Variants in KCNAB1 observed in about 807,000 individuals in gnomAD.
The protein encoded by KCNAB1 is potassium voltage-gated channel subfamily A regulatory beta subunit 1, also known as voltage-gated potassium channel subunit beta-1.
A neutral mutation model predicts 64.6 loss-of-function variants in KCNAB1; 35 were observed. That is an observed-to-expected ratio of 0.54 (90% CI 0.41 to 0.72). The LOEUF is 0.72. Among genes scored for constraint, KCNAB1 ranks in the 30% least tolerant of loss-of-function variants. The pLI is 0.00. For missense variants in KCNAB1, 401 were observed against 512.9 expected, an observed-to-expected ratio of 0.78 and a Z score of 2.11; for synonymous variants, 177 against 183.8, an observed-to-expected ratio of 0.96 and a Z score of 0.30.
chr3:156,330,112 T>C (rs767255840), intron 1 of KCNAB1, among the ~76,000 whole-genome samples: 14 of 152,194 alleles, frequency 9.2e-5, no homozygotes, highest in Non-Finnish European at 1.8e-4. Context: ...AACTTAAGTG[T>C]GTAAAATATA....
chr3:156,315,908 G>GAT (rs1722242724), intron 1 of KCNAB1, among the ~76,000 whole-genome samples: 1 of 152,126 alleles, frequency 6.6e-6, no homozygotes, highest in Admixed American at 6.5e-5. Flanking sequence ...AATAATAGTA[G>GAT]ATAACCTGAC....
At chr3:156,487,060 T>C (rs1239470261) in intron 8 of KCNAB1, among the ~76,000 whole-genome samples, 1 of 152,154 alleles carries the variant, frequency 6.6e-6, no homozygotes, top group Non-Finnish European at 1.5e-5. Context: ...ATACCTAAGT[T>C]TAAATCTGAC....
chr3:156,184,483 C>G (rs1713067701), intron 1 of KCNAB1, among the ~76,000 whole-genome samples: 1 of 152,176 alleles, frequency 6.6e-6, no homozygotes. Context: ...GAAGGAGACC[C>G]TGCAAGGTGT....
At chr3:156,526,316 G>A (rs1279297153) in intron 12 of KCNAB1, among the ~76,000 whole-genome samples, 1 of 152,030 alleles carries the variant, frequency 6.6e-6, no homozygotes, top group Non-Finnish European at 1.5e-5. Flanking sequence ...TGTCGCTATG[G>A]GATGCATAAC....
chr3:156,176,872 GC>G, intron 1 of KCNAB1: 1 of 1,177,854 alleles, frequency 8.5e-7, no homozygotes, highest in Non-Finnish European at 1.3e-6. Context: ...ACTGGGACCA[GC>G]GGTAACTCTG....
intron 1 of KCNAB1, among the ~76,000 whole-genome samples, chr3:156,131,039 G>C (rs77450828): frequency 0.054 from 8,261 of 152,274 alleles, 485 homozygotes; most frequent in African/African-American, 0.14. Flanking sequence ...TTGAGTTTAA[G>C]TCAGGCTTTG....
intron 1 of KCNAB1, among the ~76,000 whole-genome samples, chr3:156,328,553 C>T (rs972845804): frequency 3.9e-5 from 6 of 152,058 alleles, no homozygotes; most frequent in Admixed American, 6.6e-5. Flanking sequence ...GTAGTTATGT[C>T]GTTATTGTAT....
rs560794513 is a variant in KCNAB1 at position 156,250,457 on chromosome 3, A to C, written c.275+129571A>C. On this transcript the variant is annotated intron_variant, in intron 1 of 13. Coordinates refer to ENST00000490337, the MANE Select transcript of KCNAB1 (RefSeq NM_172160.3). The stretch of plus-strand genomic sequence containing the variant: ...GTGTGCCATATGGTCCTTTGCTCTC[A>C]GAACCCGTAGTTCTAGCTAATACCA... Among the ~76,000 whole-genome samples the C allele has an allele frequency of 3.1e-4, 47 of 152,306 alleles. 1 individual carries two copies. In the South Asian group the frequency reaches 8.7e-3, roughly 28 times the overall value.
intron 1 of KCNAB1, among the ~76,000 whole-genome samples, chr3:156,130,410 A>G (rs1577615320): frequency 6.6e-6 from 1 of 152,182 alleles, no homozygotes; most frequent in South Asian, 2.1e-4. Flanking sequence ...CCTAATATCA[A>G]CAACTGTTTA....
At chr3:156,346,804 T>C (rs865981490) in intron 1 of KCNAB1, among the ~76,000 whole-genome samples, 19 of 152,202 alleles carry the variant, frequency 1.2e-4, no homozygotes, top group Non-Finnish European at 1.2e-4. Context: ...AAATTTTTTT[T>C]CCATTATAGC....
intron 1 of KCNAB1, among the ~76,000 whole-genome samples, chr3:156,328,249 T>C (rs1286934743): frequency 6.6e-6 from 1 of 152,132 alleles, no homozygotes; most frequent in African/African-American, 2.4e-5. Flanking sequence ...AAGGGCTTGG[T>C]ATACCACTTA....
intron 8 of KCNAB1, among the ~76,000 whole-genome samples, chr3:156,513,294 CCAA>C (rs1717337673): frequency 6.6e-6 from 1 of 152,064 alleles, no homozygotes; most frequent in South Asian, 2.1e-4. Context: ...CCATTTCATT[CCAA>C]ATCCTGTTCC....
At position 156,133,834 on chromosome 3, in the gene KCNAB1, A is replaced by G. The variant is rs527916295; in HGVS notation, c.275+12948A>G. 4.6e-5 allele frequency among the ~76,000 whole-genome samples: 7 copies of G among 152,334 alleles called. No individual in the cohort carries two copies. The East Asian group carries it at 1.2e-3, about 25-fold the overall frequency. On this transcript the variant is annotated intron_variant, in intron 1 of 13. Coordinates refer to ENST00000490337, the MANE Select transcript of KCNAB1 (RefSeq NM_172160.3). ...TGGGGGTTTGTGGGAATGCGAACCAATGAGGAAGCAGGTAAGAAATGGCTG... is the reference window on the plus strand; with the variant it reads ...TGGGGGTTTGTGGGAATGCGAACCAGTGAGGAAGCAGGTAAGAAATGGCTG...
intron 1 of KCNAB1, among the ~76,000 whole-genome samples, chr3:156,380,014 C>T (rs1365686007): frequency 6.6e-6 from 1 of 152,128 alleles, no homozygotes; most frequent in Non-Finnish European, 1.5e-5. Flanking sequence ...TGCTCTAAGT[C>T]CTCTTTCTGC....
At chr3:156,258,769 A>G (rs1192564898) in intron 1 of KCNAB1, among the ~76,000 whole-genome samples, 3 of 152,238 alleles carry the variant, frequency 2.0e-5, no homozygotes, top group East Asian at 3.8e-4. Flanking sequence ...AGCCAAAAAC[A>G]TTAGGACTCC....
intron 1 of KCNAB1, among the ~76,000 whole-genome samples, chr3:156,122,717 T>A (rs1301852603): frequency 6.6e-6 from 1 of 152,164 alleles, no homozygotes; most frequent in Non-Finnish European, 1.5e-5. Context: ...CCTTACATGA[T>A]CAAAAATTAA....
At chr3:156,283,534 TCTC>T (rs1244561221) in intron 1 of KCNAB1, among the ~76,000 whole-genome samples, 1 of 151,044 alleles carries the variant, frequency 6.6e-6, no homozygotes, top group Non-Finnish European at 1.5e-5. Context: ...TTGGGGAAGT[TCTC>T]CTGGATAATA....
intron 7 of KCNAB1, among the ~76,000 whole-genome samples, chr3:156,472,562 T>C (rs1714001387): frequency 6.6e-6 from 1 of 152,180 alleles, no homozygotes; most frequent in East Asian, 1.9e-4. Context: ...TTCACTCCAC[T>C]TCAAAGTCAG....
At chr3:156,259,075 T>C (rs941679822) in intron 1 of KCNAB1, among the ~76,000 whole-genome samples, 1 of 152,228 alleles carries the variant, frequency 6.6e-6, no homozygotes, top group African/African-American at 2.4e-5. Flanking sequence ...TAGCAACATT[T>C]AGAGTTTAAA....
Sources: gnomAD v4.1 joint callset for allele counts (sites outside exome capture counted in the v4.1 genomes callset) on GRCh38, gnomAD v4.1.1 for gene constraint, MANE v1.5 for transcripts, NCBI Gene and HGNC (gene_info 2026-07-23, HGNC 2026-07-21) for gene names.